AKAP9: variants seen among roughly 807,000 people sequenced by gnomAD.
The protein encoded by AKAP9 is A-kinase anchoring protein 9.
A neutral mutation model predicts 488.5 loss-of-function variants in AKAP9; 311 were observed. The observed-to-expected ratio is 0.64, with a 90% CI of 0.58 to 0.70. The LOEUF (loss-of-function observed/expected upper bound fraction) is 0.70, where lower values mean the gene tolerates loss of function less well. Among genes scored for constraint, AKAP9 ranks in the 30% least tolerant of loss-of-function variants. AKAP9 has a pLI of 0.00. For synonymous variants in AKAP9, 1,462 were observed against 1,483.5 expected (o/e 0.99, Z 0.33); for missense variants, 4,215 against 4,374.5 (o/e 0.96, Z 1.03).
intron 38 of AKAP9, chr7:92,092,197 C>G (rs886376407): frequency 6.6e-6 from 1 of 152,130 alleles, no homozygotes; most frequent in African/African-American, 2.4e-5. Context: ...ATTTAACATA[C>G]TGAGGCATTT....
At chr7:92,099,913 G>A in intron 44 of AKAP9, 44 bp downstream of exon 44, 3 of 1,576,200 alleles carry the variant, frequency 1.9e-6, no homozygotes, top group Non-Finnish European at 2.6e-6. Flanking sequence ...ATTAGTGCAT[G>A]CTTATCATTT....
intron 15 of AKAP9, among the ~76,000 whole-genome samples, chr7:92,030,765 T>G (rs942130958): frequency 2.6e-5 from 4 of 151,816 alleles, no homozygotes; most frequent in Non-Finnish European, 5.9e-5. Flanking sequence ...TCTTTTAAAG[T>G]GCATGCCATC....
In AKAP9 at chr7:92,086,271, G is replaced by A. The variant is rs749484399; in HGVS notation, c.9068G>A (p.Arg3023Gln). 154 of 1,613,958 alleles carry A rather than the reference G, an allele frequency of 9.5e-5. No homozygotes were observed. The highest frequency in any genetic ancestry group is 1.2e-4 in the South Asian group (11 of 91,078). The change falls in exon 37 of 50, where the codon CGA becomes CAA. Residue 3023 changes from arginine to glutamine, a missense_variant. This residue lies in a region of AKAP9 where 1,476 missense variants were observed against 1,477.4 expected (regional missense o/e 1.00). Transcript: ENST00000356239. ...SQSHESFSDW[R>Q]GELLLALQQV... ...TCTCATGAGAGCTTCTCAGACTGGC[G>A]AGGTGAACTACTGCTTGCCCTTCAA... is the stretch of plus-strand genomic sequence containing the variant.
chr7:91,956,399 CAAAAAAA>C (rs554292233), intron 1 of AKAP9, among the ~76,000 whole-genome samples: 69 of 108,140 alleles, frequency 6.4e-4, no homozygotes, highest in Admixed American at 8.9e-4. Context: ...GACTCTGTCT[CAAAAAAA>C]AAAAAAAAAA....
intron 28 of AKAP9, among the ~76,000 whole-genome samples, chr7:92,071,601 A>G (rs1402741631): frequency 6.6e-6 from 1 of 152,170 alleles, no homozygotes; most frequent in African/African-American, 2.4e-5. Flanking sequence ...TTCCTAATTT[A>G]TAACTTATTT....
chr7:92,030,846 A>G (rs535259078), intron 15 of AKAP9, among the ~76,000 whole-genome samples: 10 of 152,170 alleles, frequency 6.6e-5, no homozygotes, highest in African/African-American at 2.2e-4. Context: ...AACTTTCTCA[A>G]ACTGGCAACT....
intron 37 of AKAP9, among the ~76,000 whole-genome samples, chr7:92,089,026 CAA>C (rs1162872608): frequency 2.0e-5 from 3 of 152,070 alleles, no homozygotes; most frequent in Admixed American, 1.3e-4. Flanking sequence ...TCATGAAAGA[CAA>C]AGAAAGACTT....
At chr7:92,058,635 G>A (rs1809227557) in intron 22 of AKAP9, among the ~76,000 whole-genome samples, 1 of 151,962 alleles carries the variant, frequency 6.6e-6, no homozygotes, top group Non-Finnish European at 1.5e-5. Flanking sequence ...ATGCCAGGCA[G>A]TTTGTTTAAA....
chr7:92,082,832 T>A (rs1255112011), intron 32 of AKAP9, among the ~76,000 whole-genome samples, 170 bp downstream of exon 32: 1 of 152,230 alleles, frequency 6.6e-6, no homozygotes, highest in Non-Finnish European at 1.5e-5. Context: ...TACCAACATC[T>A]TCTTGCTTGG....
At position 92,065,292 on chromosome 7, in the gene AKAP9, A is replaced by C; in HGVS notation, c.6039A>C (p.Glu2013Asp). 2.5e-6 allele frequency: 4 copies of C among 1,613,150 alleles called. No individual in the cohort carries two copies. Among genetic ancestry groups the C allele is most frequent in the Non-Finnish European group, 3.4e-6 (4 of 1,179,512 alleles). ...AACTAGAAGTACAATGTCAAGCTGAAAAAGTACGTGATGACCTTCAAAAAC... is the reference window on the plus strand; with the variant it reads ...AACTAGAAGTACAATGTCAAGCTGACAAAGTACGTGATGACCTTCAAAAAC... ...KEKLEVQCQAEKVRDDLQKQV... is the reference protein window; with the variant it reads ...KEKLEVQCQADKVRDDLQKQV... Residue 2013 changes from glutamate to aspartate, a missense_variant, in exon 25 of 50, where the codon GAA becomes GAC. Glu to Asp is a conservative substitution (Grantham distance 45, BLOSUM62 2). This residue lies in a region of AKAP9 where 2,361 missense variants were observed against 2,430.0 expected (regional missense o/e 0.97). Transcript: ENST00000356239.
At position 92,079,603 on chromosome 7, in the gene AKAP9, C is replaced by G. The variant is rs781544522; in HGVS notation, c.7470C>G (p.Gly2490=). ...ACTTCAAATCTTTTGAAGAAAATGGCAAAGGTTCCATAATTAATTTGGAAA... is the reference window on the plus strand; with the variant it reads ...ACTTCAAATCTTTTGAAGAAAATGGGAAAGGTTCCATAATTAATTTGGAAA... The part of the protein sequence containing the change: ...QTYFKSFEEN[G]KGSIINLETR... Residue 2490 remains glycine, a synonymous_variant, in exon 31 of 50, where the codon GGC becomes GGG. Transcript: ENST00000356239. 12 of 1,613,866 alleles carry G rather than the reference C, an allele frequency of 7.4e-6. 1 individual carries two copies. The South Asian group carries it at 9.9e-5, about 13-fold the overall frequency.
intron 12 of AKAP9, among the ~76,000 whole-genome samples, chr7:92,019,289 A>T (rs1462697778): frequency 6.6e-6 from 1 of 151,172 alleles, no homozygotes; most frequent in Admixed American, 6.6e-5. Flanking sequence ...TTACAGGCAC[A>T]CTCCACCACA....
rs765418187 is a variant in AKAP9, at chr7:91,995,808, TA to T, written c.930+9del. The T allele has an allele frequency of 7.5e-6, 12 of 1,590,530 alleles. No individual in the cohort carries two copies. The South Asian group carries it at 1.1e-4, about 15-fold the overall frequency. On this transcript the variant is annotated intron_variant, in intron 7 of 49. Coordinates refer to ENST00000356239, the MANE Select transcript of AKAP9 (RefSeq NM_005751.5). Reference sequence around the variant, plus strand: ...ATTAAAGTATATGAAATGGTATGTTTATTTTAAGGAAGTCAGCTAACTTGTA... The same window carrying T: ...ATTAAAGTATATGAAATGGTATGTTTTTTTAAGGAAGTCAGCTAACTTGTA...
rs1809717130 is a variant in AKAP9 at position 92,061,184 on chromosome 7, T to G, written c.5602-76T>G. The G allele has an allele frequency of 1.3e-5, 20 of 1,541,558 alleles. 1 individual carries two copies. In the South Asian group the frequency reaches 2.3e-4, roughly 18 times the overall value. The stretch of plus-strand genomic sequence containing the variant: ...TCTTTATTTTAAAATCCTCCTTTTT[T>G]CCAGCTTTAATAGGGAATGAAACTA... On this transcript the variant is annotated intron_variant, in intron 22 of 49. Transcript: ENST00000356239.
In AKAP9 at chr7:92,077,831, G is replaced by C; in HGVS notation, c.6901G>C (p.Val2301Leu). Reference protein sequence around the residue: ...EVEIDQLNEQVTKLQQQLKIT... With the variant: ...EVEIDQLNEQLTKLQQQLKIT... ...AGAAATTGACCAATTAAATGAACAA[G>C]TTACGAAACTCCAGCAGCAACTTAA... The change falls in exon 30 of 50, where the codon GTT becomes CTT. Residue 2301 changes from valine (V) to leucine (L), a missense_variant. Val to Leu is a conservative substitution (Grantham distance 32, BLOSUM62 1). Coordinates refer to ENST00000356239, the MANE Select transcript of AKAP9 (RefSeq NM_005751.5). 6.2e-7 allele frequency: 1 copy of C among 1,613,594 alleles called. No homozygotes were observed. Among genetic ancestry groups the C allele is most frequent in the Non-Finnish European group, 8.5e-7 (1 of 1,179,798 alleles).
At chr7:91,991,083 T>C (rs1797688647) in intron 3 of AKAP9, among the ~76,000 whole-genome samples, 1 of 152,198 alleles carries the variant, frequency 6.6e-6, no homozygotes, top group Admixed American at 6.5e-5. Context: ...CAATACTATT[T>C]ATGATTTCAG....
At chr7:92,080,724 A>G (rs74650272) in intron 31 of AKAP9, among the ~76,000 whole-genome samples, 2,197 of 152,320 alleles carry the variant, frequency 0.014, 45 homozygotes, top group African/African-American at 0.05. Context: ...CTTTTGTGCA[A>G]CAGTGGCCAG....
At chr7:92,066,111 T>TCC (rs1810726397) in intron 25 of AKAP9, among the ~76,000 whole-genome samples, 1 of 152,176 alleles carries the variant, frequency 6.6e-6, no homozygotes, top group Non-Finnish European at 1.5e-5. Flanking sequence ...CCTCCTTTGT[T>TCC]CCAGAAAAGT....
chr7:91,973,904 C>G lies in AKAP9; in HGVS notation c.242C>G (p.Ser81Cys). Residue 81 changes from serine (S) to cysteine (C), a missense_variant, in exon 2 of 50, where the codon TCT becomes TGT. Physicochemically the swap from Ser to Cys is moderately radical, Grantham distance 112. Transcript: ENST00000356239. ...GTAGAATCAACTGTGATTCCTGAATCTACAATAATGAGAACTCTACATAGT... is the reference window on the plus strand; with the variant it reads ...GTAGAATCAACTGTGATTCCTGAATGTACAATAATGAGAACTCTACATAGT... Reference protein sequence around the residue: ...QRVESTVIPESTIMRTLHSGE... With the variant: ...QRVESTVIPECTIMRTLHSGE... 6.2e-7 allele frequency: 1 copy of G among 1,613,850 alleles called. No homozygotes were observed. The highest frequency in any genetic ancestry group is 2.2e-5 in the East Asian group (1 of 44,858).
Sources: gnomAD v4.1 joint callset for allele counts (sites outside exome capture counted in the v4.1 genomes callset) on GRCh38, gnomAD v4.1.1 for gene constraint, gnomAD v4.1.1 regional missense constraint, MANE v1.5 for transcripts, NCBI Gene and HGNC (gene_info 2026-07-23, HGNC 2026-07-21) for gene names.